The following ITGAX variants were observed in gnomAD, a reference collection of about 807,000 sequenced individuals.
ITGAX encodes integrin subunit alpha X.
In ITGAX, 99 loss-of-function variants were observed where a neutral mutation model predicts 140.2. That is an observed-to-expected ratio of 0.71 (90% CI 0.60 to 0.83). The LOEUF is 0.83. Ranked by LOEUF, ITGAX falls within the 40% of genes least tolerant of loss-of-function variation. The pLI is 0.00. For synonymous variants in ITGAX, 631 were observed against 600.4 expected, an observed-to-expected ratio of 1.05 and a Z score of -0.75; for missense variants, 1,444 against 1,482.0, an observed-to-expected ratio of 0.97 and a Z score of 0.42.
rs547012205 is a variant in ITGAX, at chr16:31,361,306, G to A, written c.1012+93G>A. ...AGGCTCCGTGAAACAGGTAGACAGC[G>A]TCTCGGTTCTCCTGCTTTCCCGGGA... On this transcript the variant is annotated intron_variant, in intron 9 of 29. Coordinates refer to ENST00000268296, the MANE Select transcript of ITGAX (RefSeq NM_000887.5). 3.6e-4 allele frequency: 486 copies of A among 1,366,326 alleles called. 1 individual carries two copies. Among genetic ancestry groups the A allele is most frequent in the East Asian group, 3.0e-4 (13 of 43,026 alleles). 84.6% of individuals were successfully genotyped at this position (1,366,326 alleles called of 1,614,324 possible). A position where few individuals can be genotyped will look rare whatever the true frequency, so the allele number is the denominator to read the frequency against.
In ITGAX at chr16:31,381,992, CA is replaced by C; in HGVS notation, c.*86del. 1 of 1,477,314 alleles carries C rather than the reference CA, an allele frequency of 6.8e-7. No individual in the cohort carries two copies. Among genetic ancestry groups the C allele is most frequent in the Non-Finnish European group, 9.0e-7 (1 of 1,105,928 alleles). 91.5% of individuals were successfully genotyped at this position (1,477,314 alleles called of 1,614,324 possible). A position where few individuals can be genotyped will look rare whatever the true frequency, so the allele number is the denominator to read the frequency against. On this transcript the variant is annotated 3_prime_UTR_variant, in exon 30 of 30. Transcript: ENST00000268296. ...CCTGTCAGGCCTGACGGGGAGGAAC[CA>C]CTGCACCACCGAGAGAGGCTGGGAT...
In ITGAX at chr16:31,382,012, C is replaced by G. The variant is rs900480478; in HGVS notation, c.*105C>G. 3 of 1,482,286 alleles carry G rather than the reference C, an allele frequency of 2.0e-6. No individual in the cohort carries two copies. The highest frequency in any genetic ancestry group is 2.8e-5 in the African/African-American group (2 of 70,532). 91.8% of individuals were successfully genotyped at this position (1,482,286 alleles called of 1,614,324 possible). On this transcript the variant is annotated 3_prime_UTR_variant, in exon 30 of 30. Transcript: ENST00000268296. ...GGAACCACTGCACCACCGAGAGAGGCTGGGATGGGCCTGCTTCCTGTCTTT... is the reference window on the plus strand; with the variant it reads ...GGAACCACTGCACCACCGAGAGAGGGTGGGATGGGCCTGCTTCCTGTCTTT...
At position 31,371,515 on chromosome 16, in the gene ITGAX, C is replaced by T; in HGVS notation, c.2005+18C>T. 6.2e-7 allele frequency: 1 copy of T among 1,612,872 alleles called. No individual in the cohort carries two copies. Among genetic ancestry groups the T allele is most frequent in the Non-Finnish European group, 8.5e-7 (1 of 1,179,008 alleles). On this transcript the variant is annotated intron_variant, in intron 16 of 29. Coordinates refer to ENST00000268296, the MANE Select transcript of ITGAX (RefSeq NM_000887.5). The stretch of plus-strand genomic sequence containing the variant: ...TGGGAGCCGTGAGTCCCCTCCCCTC[C>T]AACCCAGGACACCCTGACCTCTGGA...
intron 14 of ITGAX, among the ~76,000 whole-genome samples, chr16:31,364,313 AATT>A (rs555303365): frequency 9.2e-5 from 14 of 151,394 alleles, no homozygotes; most frequent in Non-Finnish European, 1.9e-4. Context: ...CTGTAGTCCC[AATT>A]ACTCGGGAGG....
rs200873409 is a variant in ITGAX, at chr16:31,362,047, G to A, written c.1087-28G>A. ...ATGCTGTCTTCCTGCTCCGGCCTCT[G>A]CTCAGCCCTGGAATCCTTTTCTCCC... On this transcript the variant is annotated intron_variant, in intron 10 of 29. Coordinates refer to ENST00000268296, the MANE Select transcript of ITGAX (RefSeq NM_000887.5). The A allele has an allele frequency of 1.1e-3, 1,787 of 1,614,040 alleles. 1 individual carries two copies. The highest frequency in any genetic ancestry group is 1.3e-3 in the Non-Finnish European group (1,518 of 1,179,946).
intron 5 of ITGAX, 111 bp downstream of exon 5, chr16:31,357,475 AAG>A: frequency 1.4e-6 from 1 of 699,976 alleles, no homozygotes; most frequent in Non-Finnish European, 2.4e-6. Flanking sequence ...GATCTGGAAA[AAG>A]AGTTACCACG....
At position 31,379,875 on chromosome 16, in the gene ITGAX, A is replaced by G. The variant is rs762732462; in HGVS notation, c.2976+11A>G. ...GTCTCCCACCCCCAGGTACCCAAGG[A>G]CTGCATGTGGCTCCTCCACGAATGC... On this transcript the variant is annotated intron_variant, in intron 25 of 29. Transcript: ENST00000268296. 1.1e-5 allele frequency: 17 copies of G among 1,613,164 alleles called. No individual in the cohort carries two copies. The highest frequency in any genetic ancestry group is 1.4e-5 in the Non-Finnish European group (17 of 1,179,200).
chr16:31,373,131 GAA>G (rs2080987858), intron 19 of ITGAX, 116 bp from the exon 20 acceptor site: 1 of 624,858 alleles, frequency 1.6e-6, no homozygotes. Context: ...AGAAGAAGAA[GAA>G]CCCAGGGGTC....
At chr16:31,374,536 C>T (rs1028703076) in intron 20 of ITGAX, among the ~76,000 whole-genome samples, 2 of 152,058 alleles carry the variant, frequency 1.3e-5, no homozygotes, top group African/African-American at 4.8e-5. Flanking sequence ...ACCTCCTGGG[C>T]TCAAGCGATC....
chr16:31,366,153 T>G (rs2080890848), intron 14 of ITGAX, among the ~76,000 whole-genome samples: 1 of 152,232 alleles, frequency 6.6e-6, no homozygotes. Context: ...ACTGAGCAAG[T>G]CTATCAGTGC....
chr16:31,356,875 TC>T (rs1391791951), intron 3 of ITGAX, 147 bp downstream of exon 3: 2 of 808,236 alleles, frequency 2.5e-6, no homozygotes, highest in Non-Finnish European at 3.9e-6. Context: ...CCTTAAGGCC[TC>T]CCCGCCCATC....
At chr16:31,359,386 G>T (rs901929875) in intron 5 of ITGAX, among the ~76,000 whole-genome samples, 1 of 151,952 alleles carries the variant, frequency 6.6e-6, no homozygotes, top group South Asian at 2.1e-4. Context: ...GGATGGTCTC[G>T]ATCTCCTGAC....
At chr16:31,369,505 C>T (rs924825132) in intron 14 of ITGAX, among the ~76,000 whole-genome samples, 12 of 152,222 alleles carry the variant, frequency 7.9e-5, no homozygotes, top group African/African-American at 7.2e-5. Flanking sequence ...AACTTCCTCA[C>T]GGTCTTATTT....
chr16:31,373,207 AG>A, intron 19 of ITGAX, 41 bp from the exon 20 acceptor site: 3 of 1,528,454 alleles, frequency 2.0e-6, no homozygotes, highest in Non-Finnish European at 2.7e-6. Flanking sequence ...TTCTAGCCTC[AG>A]TCACAGAATC....
chr16:31,364,853 C>CCA (rs2080876077), intron 14 of ITGAX, among the ~76,000 whole-genome samples: 2 of 106,208 alleles, frequency 1.9e-5, no homozygotes, highest in East Asian at 2.0e-4. Flanking sequence ...ACTAAAAATA[C>CCA]AAAAAAAAAA....
In ITGAX at chr16:31,363,673, G is replaced by A. The variant is rs2080862690; in HGVS notation, c.1710+299G>A. Among the ~76,000 whole-genome samples the A allele has an allele frequency of 2.0e-5, 3 of 152,380 alleles. No homozygotes were observed. The South Asian group carries it at 6.2e-4, about 32-fold the overall frequency. On this transcript the variant is annotated intron_variant, in intron 14 of 29. Coordinates refer to ENST00000268296, the MANE Select transcript of ITGAX (RefSeq NM_000887.5). ...TTGGCTAGGCTGGTCTTGAACTCCTGACCTCAGGTGATCTGCCTGTCTCGG... is the reference window on the plus strand; with the variant it reads ...TTGGCTAGGCTGGTCTTGAACTCCTAACCTCAGGTGATCTGCCTGTCTCGG...
At chr16:31,371,286 G>T (rs192663806) in intron 15 of ITGAX, 48 bp from the exon 16 acceptor site, 1 of 1,609,250 alleles carries the variant, frequency 6.2e-7, no homozygotes, top group East Asian at 2.2e-5. Context: ...CCCACGTGGT[G>T]CTCCCAGGAG....
intron 7 of ITGAX, 71 bp downstream of exon 7, chr16:31,360,136 C>G (rs923198276): frequency 2.5e-6 from 4 of 1,581,874 alleles, no homozygotes; most frequent in Non-Finnish European, 2.6e-6. Flanking sequence ...TCTGTCTCCA[C>G]GAGAAGGGGA....
Position 31,382,123 on chromosome 16 carries a change from C to T in ITGAX, c.*216C>T. ...CTTAGGACAGGGTCCCTGCTGTGTT[C>T]CCCAAAGGACTTGACTTGCAATTTC... is the stretch of plus-strand genomic sequence containing the variant. On this transcript the variant is annotated 3_prime_UTR_variant, in exon 30 of 30. Transcript: ENST00000268296. 1.4e-6 allele frequency: 2 copies of T among 1,415,504 alleles called. No homozygotes were observed. The highest frequency in any genetic ancestry group is 2.9e-5 in the African/African-American group (2 of 69,404). 87.7% of individuals were successfully genotyped at this position (1,415,504 alleles called of 1,614,324 possible). A position where few individuals can be genotyped will look rare whatever the true frequency, so the allele number is the denominator to read the frequency against.
Sources: gnomAD v4.1 joint callset for allele counts (sites outside exome capture counted in the v4.1 genomes callset) on GRCh38, gnomAD v4.1.1 for gene constraint, MANE v1.5 for transcripts, NCBI Gene and HGNC (gene_info 2026-07-23, HGNC 2026-07-21) for gene names.